The following MACF1 variants were observed in gnomAD, a reference collection of about 807,000 sequenced individuals.
The protein encoded by MACF1 is microtubule-actin cross-linking factor 1.
MACF1 carries 193 observed loss-of-function variants against 854.8 expected under a neutral mutation model. The observed-to-expected ratio is 0.23, with a 90% CI of 0.20 to 0.25. MACF1 has a LOEUF of 0.25. Among genes scored for constraint, MACF1 ranks in the 10% least tolerant of loss-of-function variants. MACF1 has a pLI of 1.00. For missense variants in MACF1, 7,722 were observed against 8,929.1 expected (o/e 0.86, Z 5.45); for synonymous variants, 3,185 against 3,226.7 (o/e 0.99, Z 0.44).
At chr1:39,374,936 T>C (rs181018134) in intron 52 of MACF1, among the ~76,000 whole-genome samples, 3 of 151,916 alleles carry the variant, frequency 2.0e-5, no homozygotes, top group Admixed American at 2.0e-4. Flanking sequence ...CAGTGAAACC[T>C]CGTCTCTACT....
intron 1 of MACF1, among the ~76,000 whole-genome samples, chr1:39,208,977 C>T (rs547401895): frequency 2.6e-5 from 4 of 151,992 alleles, no homozygotes; most frequent in African/African-American, 4.8e-5. Context: ...TATGGCCGTG[C>T]GCAGTGGCTC....
chr1:39,224,301 A>G (rs1250358093), intron 1 of MACF1, among the ~76,000 whole-genome samples: 2 of 152,190 alleles, frequency 1.3e-5, no homozygotes, highest in Admixed American at 1.3e-4. Flanking sequence ...TGAAGAAGCT[A>G]TAATACAGAA....
At chr1:39,296,086 G>T (rs1253231102) in intron 20 of MACF1, among the ~76,000 whole-genome samples, 1 of 152,178 alleles carries the variant, frequency 6.6e-6, no homozygotes, top group Non-Finnish European at 1.5e-5. Context: ...ATCTTATCTT[G>T]CCTGTCTTAC....
intron 6 of MACF1, among the ~76,000 whole-genome samples, chr1:39,261,921 A>C (rs77059509): frequency 0.031 from 4,727 of 152,252 alleles, 239 homozygotes; most frequent in African/African-American, 0.11. Flanking sequence ...TCCTACCAGC[A>C]ATGTATGTGG....
chr1:39,336,472 C>G lies in MACF1; in HGVS notation c.9884C>G (p.Thr3295Ser). 6.2e-7 allele frequency: 1 copy of G among 1,614,156 alleles called. No individual in the cohort carries two copies. The highest frequency in any genetic ancestry group is 1.1e-5 in the South Asian group (1 of 91,088). The stretch of plus-strand genomic sequence containing the variant: ...CAACAGAATGCCATCATTAGTCCTA[C>G]TGTTCTAGAGACCAGTGAAGAAAAG... ...TGQQNAIISP[T>S]VLETSEEKTV... Residue 3295 changes from threonine (T) to serine (S), a missense_variant, in exon 37 of 101, where the codon ACT becomes AGT. Physicochemically the swap from Thr to Ser is moderately conservative, Grantham distance 58. This residue lies in a region of MACF1 where 854 missense variants were observed against 852.6 expected (regional missense o/e 1.00). Transcript: ENST00000564288.
At chr1:39,210,626 C>G (rs570511172) in intron 1 of MACF1, among the ~76,000 whole-genome samples, 193 of 152,172 alleles carry the variant, frequency 1.3e-3, no homozygotes, top group Non-Finnish European at 2.1e-3. Flanking sequence ...TTGGACTGGT[C>G]ACTTACTTCC....
chr1:39,182,321 A>G (rs1460271814), intron 2 of MACF1, among the ~76,000 whole-genome samples: 1 of 152,090 alleles, frequency 6.6e-6, no homozygotes, highest in African/African-American at 2.4e-5. Context: ...TGTAGCTAAC[A>G]CTGAAAGTAT....
chr1:39,251,512 T>C (rs1645040155), intron 3 of MACF1, among the ~76,000 whole-genome samples: 1 of 152,264 alleles, frequency 6.6e-6, no homozygotes, highest in South Asian at 2.1e-4. Flanking sequence ...TTTAAGTGTT[T>C]GTGGAGATAC....
At chr1:39,233,886 A>G (rs960776890) in intron 2 of MACF1, among the ~76,000 whole-genome samples, 3 of 139,510 alleles carry the variant, frequency 2.2e-5, no homozygotes, top group African/African-American at 7.8e-5. Context: ...AGGTCAGCAG[A>G]TACACAAGTG....
chr1:39,487,110 T>C lies in MACF1; in HGVS notation c.*1316T>C, dbSNP rs1020618714. 6.6e-6 allele frequency: 1 copy of C among 152,296 alleles called. No homozygotes were observed. The highest frequency in any genetic ancestry group is 2.4e-5 in the African/African-American group (1 of 41,472). The allele number at this position is 152,296 out of a possible 1,614,324, so 9.4% of individuals were successfully genotyped here. A position where few individuals can be genotyped will look rare whatever the true frequency, so the allele number is the denominator to read the frequency against. On this transcript the variant is annotated 3_prime_UTR_variant, in exon 101 of 101. Transcript: ENST00000564288. ...TCAAAATATCTTGATGGATAAATTA[T>C]AGAGCTTAATAGATCTTGTTTTATT...
chr1:39,459,528 G>A (rs1379484558), intron 91 of MACF1, among the ~76,000 whole-genome samples: 2 of 152,302 alleles, frequency 1.3e-5, no homozygotes, highest in South Asian at 2.1e-4. Flanking sequence ...ATCTGCCTCA[G>A]CATCTTGCTG....
In MACF1 at chr1:39,297,646, G is replaced by A. The variant is rs746194860; in HGVS notation, c.2382G>A (p.Glu794=). Residue 794 remains glutamate (E), a synonymous_variant, in exon 21 of 101, where the codon GAG becomes GAA. Coordinates refer to ENST00000564288, the MANE Select transcript of MACF1 (RefSeq NM_001394062.1). The stretch of plus-strand genomic sequence containing the variant: ...TCTTCAGTGATGCACGAGAGCTGGA[G>A]TCATTCTTGAGGAACCTCCAAGATT... ...FQFFSDAREL[E]SFLRNLQDSI... is the part of the protein sequence containing the mutation. 21 of 1,614,182 alleles carry A rather than the reference G, an allele frequency of 1.3e-5. No homozygotes were observed. In the African/African-American group the frequency reaches 2.5e-4, roughly 19 times the overall value.
intron 1 of MACF1, among the ~76,000 whole-genome samples, chr1:39,217,240 CTATTTTATT>C (rs1468424009): frequency 7.4e-5 from 10 of 135,814 alleles, no homozygotes; most frequent in African/African-American, 1.6e-4. Flanking sequence ...GATTTAGGGT[CTATTTTATT>C]TTATTTTATT....
intron 1 of MACF1, among the ~76,000 whole-genome samples, chr1:39,216,465 A>G (rs1291261017): frequency 1.3e-5 from 2 of 152,198 alleles, no homozygotes; most frequent in Non-Finnish European, 2.9e-5. Flanking sequence ...TGTGACCCAA[A>G]TAGGCAGATT....
chr1:39,300,120 T>C (rs977192549), intron 21 of MACF1, 90 bp from the exon 22 acceptor site: 41 of 1,309,282 alleles, frequency 3.1e-5, no homozygotes, highest in Non-Finnish European at 4.0e-5. Context: ...TGACATTCTC[T>C]GAGGGAGTGG....
rs1001957899 is a variant in MACF1 at position 39,486,488 on chromosome 1, G to A, written c.*694G>A. ...GTTCAGAAAACGTCAGAACATTTGG[G>A]GTTTTAAACTGATTTGTTGCTCCCT... is the stretch of plus-strand genomic sequence containing the variant. On this transcript the variant is annotated 3_prime_UTR_variant, in exon 101 of 101. Transcript: ENST00000564288. The A allele has an allele frequency of 4.6e-5, 7 of 152,528 alleles. No homozygotes were observed. The highest frequency in any genetic ancestry group is 8.8e-5 in the Non-Finnish European group (6 of 68,034). The allele number at this position is 152,528 out of a possible 1,614,324, so 9.4% of individuals were successfully genotyped here.
chr1:39,196,741 T>C (rs1644325279), intron 2 of MACF1, among the ~76,000 whole-genome samples: 1 of 152,224 alleles, frequency 6.6e-6, no homozygotes, highest in South Asian at 2.1e-4. Context: ...ATCAATTATT[T>C]TGAGACCAAG....
chr1:39,361,636 C>A lies in MACF1; in HGVS notation c.12730C>A (p.Gln4244Lys), dbSNP rs1288475541. 1.2e-6 allele frequency: 2 copies of A among 1,614,070 alleles called. No individual in the cohort carries two copies. Among genetic ancestry groups the A allele is most frequent in the African/African-American group, 2.7e-5 (2 of 74,920 alleles). Reference sequence around the variant, plus strand: ...AAGTCGGATGCTGGCCTCTGGAAATCAGCCAGATCAAGATATTACACATTT... The same window carrying A: ...AAGTCGGATGCTGGCCTCTGGAAATAAGCCAGATCAAGATATTACACATTT... ...NKSRMLASGN[Q>K]PDQDITHFFQ... is the part of the protein sequence containing the mutation. Residue 4244 changes from glutamine (Q) to lysine (K), a missense_variant, in exon 49 of 101, where the codon CAG becomes AAG. Physicochemically the swap from Gln to Lys is moderately conservative, Grantham distance 53. Transcript: ENST00000564288.
chr1:39,480,488 G>GC (rs1644993510), intron 98 of MACF1, among the ~76,000 whole-genome samples: 1 of 152,124 alleles, frequency 6.6e-6, no homozygotes, highest in Non-Finnish European at 1.5e-5. Context: ...ATTTAGCCTA[G>GC]CATGGTGGTG....
Sources: allele counts gnomAD v4.1 joint callset (sites outside exome capture counted in the v4.1 genomes callset), GRCh38; gene constraint gnomAD v4.1.1; regional missense constraint gnomAD v4.1.1; transcripts MANE v1.5; gene names NCBI Gene and HGNC (gene_info 2026-07-23, HGNC 2026-07-21).